WDFY3: variants seen among roughly 807,000 people sequenced by gnomAD.
WDFY3 encodes the protein WD repeat and FYVE domain-containing protein 3.
Under a neutral mutation model 409.6 loss-of-function variants are expected in WDFY3, and 66 were observed. The ratio of observed to expected loss-of-function variants is 0.16; its 90% CI spans 0.13 to 0.20. The LOEUF (loss-of-function observed/expected upper bound fraction) is 0.20, where lower values mean the gene tolerates loss of function less well. WDFY3 is among the 10% of genes least tolerant of loss of function. The pLI, the probability that WDFY3 is intolerant of heterozygous loss-of-function variation, is 1.00. For synonymous variants in WDFY3, 1,521 were observed against 1,537.1 expected (o/e 0.99, Z 0.25); for missense variants, 3,031 against 4,298.1 (o/e 0.71, Z 8.24).
At chr4:84,862,844 G>A (rs1170559236) in intron 3 of WDFY3, among the ~76,000 whole-genome samples, 1 of 152,136 alleles carries the variant, frequency 6.6e-6, no homozygotes, top group Non-Finnish European at 1.5e-5. Flanking sequence ...AAAAAAATTA[G>A]CCGGGCGTGG....
At chr4:84,804,564 C>CT (rs1447843497) in intron 15 of WDFY3, among the ~76,000 whole-genome samples, 2 of 152,202 alleles carry the variant, frequency 1.3e-5, no homozygotes, top group Non-Finnish European at 2.9e-5. Flanking sequence ...CATGTTTTCA[C>CT]TCCCTGTATT....
At chr4:84,717,687 C>G (rs558177387) in intron 48 of WDFY3, among the ~76,000 whole-genome samples, 3 of 152,314 alleles carry the variant, frequency 2.0e-5, no homozygotes, top group African/African-American at 7.2e-5. Flanking sequence ...AAGATGCCTA[C>G]AACTCAGTCA....
chr4:84,901,972 T>C (rs530836540), intron 2 of WDFY3, among the ~76,000 whole-genome samples: 2 of 152,296 alleles, frequency 1.3e-5, no homozygotes, highest in South Asian at 4.1e-4. Flanking sequence ...GCAATTCAAG[T>C]TATCTCAGAA....
chr4:84,931,449 C>T (rs1314356648), intron 2 of WDFY3, among the ~76,000 whole-genome samples: 1 of 152,144 alleles, frequency 6.6e-6, no homozygotes, highest in Admixed American at 6.5e-5. Context: ...GGCAAGCAGG[C>T]TTCACCTCAC....
At chr4:84,734,776 A>T (rs1737161166) in intron 43 of WDFY3, among the ~76,000 whole-genome samples, 1 of 152,224 alleles carries the variant, frequency 6.6e-6, no homozygotes, top group Admixed American at 6.5e-5. Context: ...CATGTAACAT[A>T]TCAGTAGTGA....
At chr4:84,939,179 C>T (rs1771800644) in intron 1 of WDFY3, among the ~76,000 whole-genome samples, 1 of 152,042 alleles carries the variant, frequency 6.6e-6, no homozygotes, top group Non-Finnish European at 1.5e-5. Context: ...GACCACAGTT[C>T]CCTCCCCGCT....
intron 5 of WDFY3, chr4:84,844,418 T>C: frequency 7.8e-7 from 1 of 1,282,170 alleles, no homozygotes; most frequent in Non-Finnish European, 1.0e-6. Context: ...CTTCTTTTCA[T>C]TTGACAATAT....
At chr4:84,820,585 T>C (rs922352809) in intron 11 of WDFY3, among the ~76,000 whole-genome samples, 1 of 152,078 alleles carries the variant, frequency 6.6e-6, no homozygotes, top group African/African-American at 2.4e-5. Context: ...TTAATACTTA[T>C]TAATTGCCAG....
At chr4:84,741,616 G>T in intron 38 of WDFY3, 145 bp downstream of exon 38, 1 of 980,842 alleles carries the variant, frequency 1.0e-6, no homozygotes, top group South Asian at 2.2e-5. Flanking sequence ...CGCCCAGCCT[G>T]TCTCTATTCA....
chr4:84,796,857 ATT>A, intron 18 of WDFY3, 105 bp from the exon 19 acceptor site: 1 of 911,810 alleles, frequency 1.1e-6, no homozygotes, highest in Non-Finnish European at 1.6e-6. Flanking sequence ...ATAGACAATA[ATT>A]TTTTTTTAAG....
intron 2 of WDFY3, among the ~76,000 whole-genome samples, chr4:84,918,977 C>T (rs1025391263): frequency 6.6e-6 from 1 of 151,812 alleles, no homozygotes; most frequent in South Asian, 2.1e-4. Context: ...AATACTATTA[C>T]CCAATAAGAA....
At position 84,677,265 on chromosome 4, in the gene WDFY3, G is replaced by A. The variant is rs759652681; in HGVS notation, c.10391C>T (p.Ser3464Leu). Residue 3464 changes from serine (S) to leucine (L), a missense_variant, in exon 67 of 68, where the codon TCG (serine) becomes TTG (leucine). Ser to Leu is a moderately radical substitution (Grantham distance 145). Transcript: ENST00000295888. ...TCTTTCTGTGAGTGAAAACCTCACC[G>A]AGCAGCCTGAGCAGCTGTCACCACC... Reference protein sequence around the residue: ...DEGGDSCSGCSVRFSLTERRH... With the variant: ...DEGGDSCSGCLVRFSLTERRH... The A allele has an allele frequency of 3.7e-6, 6 of 1,614,168 alleles. No individual in the cohort carries two copies. Among genetic ancestry groups the A allele is most frequent in the African/African-American group, 2.7e-5 (2 of 75,038 alleles).
At position 84,676,093 on chromosome 4, in the gene WDFY3, A is replaced by C. The variant is rs189273101; in HGVS notation, c.10457+1106T>G. On this transcript the variant is annotated intron_variant, in intron 67 of 67. Coordinates refer to ENST00000295888, the MANE Select transcript of WDFY3 (RefSeq NM_014991.6). ...TACATGTGACTACAACCAGTTTAAAAACTTGTAGATGACAGAAAAAACATA... is the reference window on the plus strand; with the variant it reads ...TACATGTGACTACAACCAGTTTAAACACTTGTAGATGACAGAAAAAACATA... Among the ~76,000 whole-genome samples, 517 of 152,320 alleles carry C rather than the reference A, an allele frequency of 3.4e-3. 4 individuals are homozygous for C. The highest frequency in any genetic ancestry group is 0.012 in the African/African-American group (498 of 41,568).
At chr4:84,795,124 C>T in intron 19 of WDFY3, 145 bp from the exon 20 acceptor site, 1 of 477,974 alleles carries the variant, frequency 2.1e-6, no homozygotes, top group Admixed American at 4.3e-5. Flanking sequence ...TCGCAAAGCC[C>T]TTCCCTTCTT....
At chr4:84,790,248 G>A (rs892987360) in intron 21 of WDFY3, among the ~76,000 whole-genome samples, 3 of 152,020 alleles carry the variant, frequency 2.0e-5, no homozygotes, top group Non-Finnish European at 4.4e-5. Flanking sequence ...TACTCGGGAG[G>A]CTGAGCCAGC....
intron 4 of WDFY3, among the ~76,000 whole-genome samples, chr4:84,858,783 G>A (rs1476239233): frequency 1.3e-5 from 2 of 151,898 alleles, no homozygotes; most frequent in African/African-American, 4.8e-5. Context: ...TGGGGCACGG[G>A]GTGAGGGGGT....
chr4:84,964,423 C>T (rs528492512), intron 1 of WDFY3, among the ~76,000 whole-genome samples: 56 of 152,270 alleles, frequency 3.7e-4, no homozygotes, highest in African/African-American at 1.3e-3. Context: ...GAACCGTGAT[C>T]GTGCCACTAC....
chr4:84,714,826 T>C (rs1733566602), intron 50 of WDFY3, among the ~76,000 whole-genome samples: 2 of 151,792 alleles, frequency 1.3e-5, no homozygotes, highest in Non-Finnish European at 2.9e-5. Flanking sequence ...GGCGGGTGCC[T>C]GCAGTTCCAG....
rs201844310 is a variant in WDFY3 at position 84,803,399 on chromosome 4, T to C, written c.2498A>G (p.His833Arg). The change falls in exon 16 of 68, where the codon CAT becomes CGT. Residue 833 changes from histidine (H) to arginine (R), a missense_variant. Transcript: ENST00000295888. ...PPKNVADLKL[H>R]VTTSSLQSSD... Reference sequence around the variant, plus strand: ...ACTCTGCAGAGATGAAGTTGTCACATGTAGTTTCAGGTCGGCAACATTTTT... The same window carrying C: ...ACTCTGCAGAGATGAAGTTGTCACACGTAGTTTCAGGTCGGCAACATTTTT... 1.7e-4 allele frequency: 268 copies of C among 1,614,110 alleles called. 1 individual carries two copies. In the East Asian group the frequency reaches 4.1e-3, roughly 25 times the overall value.
Sources: gnomAD v4.1 joint callset for allele counts (sites outside exome capture counted in the v4.1 genomes callset) on GRCh38, gnomAD v4.1.1 for gene constraint, MANE v1.5 for transcripts, NCBI Gene and HGNC (gene_info 2026-07-23, HGNC 2026-07-21) for gene names.